Variants in IPCEF1 observed in about 807,000 individuals in gnomAD.
IPCEF1 encodes interaction protein for cytohesin exchange factors 1.
IPCEF1 carries 31 observed loss-of-function variants against 50.9 expected under a neutral mutation model. The ratio of observed to expected loss-of-function variants is 0.61; its 90% CI spans 0.46 to 0.82. The LOEUF (loss-of-function observed/expected upper bound fraction) is 0.82, where lower values mean the gene tolerates loss of function less well. Among genes scored for constraint, IPCEF1 ranks in the 40% least tolerant of loss-of-function variants. The probability of loss-of-function intolerance (pLI) is 0.00; values close to 1 mark genes in which losing one functional copy is unlikely to be tolerated. For synonymous variants in IPCEF1, 181 were observed against 192.0 expected (o/e 0.94, Z 0.47); for missense variants, 458 against 514.0 (o/e 0.89, Z 1.05).
intron 11 of IPCEF1, among the ~76,000 whole-genome samples, chr6:154,166,494 C>G (rs536704939): frequency 6.6e-6 from 1 of 152,322 alleles, no homozygotes; most frequent in South Asian, 2.1e-4. Flanking sequence ...ATGTCCTTCC[C>G]TTGGTATTCA....
chr6:154,204,134 A>G (rs1164185654), intron 9 of IPCEF1, among the ~76,000 whole-genome samples: 1 of 152,240 alleles, frequency 6.6e-6, no homozygotes, highest in Non-Finnish European at 1.5e-5. Context: ...CTATGATATG[A>G]TTACATTAAA....
In IPCEF1 at chr6:154,248,886, A is replaced by G. The variant is rs1025985212; in HGVS notation, c.37-1398T>C. Among the ~76,000 whole-genome samples the G allele has an allele frequency of 5.3e-5, 8 of 152,194 alleles. No individual in the cohort carries two copies. In the East Asian group the frequency reaches 9.6e-4, roughly 18 times the overall value. On this transcript the variant is annotated intron_variant, in intron 3 of 11. Transcript: ENST00000367220. Reference sequence around the variant, plus strand: ...TAATATAATATTATATCGTTGAGATAAACAAATACTTTATATCTAATAAAC... The same window carrying G: ...TAATATAATATTATATCGTTGAGATGAACAAATACTTTATATCTAATAAAC...
intron 10 of IPCEF1, among the ~76,000 whole-genome samples, chr6:154,194,175 G>A (rs1239639277): frequency 2.6e-5 from 4 of 152,178 alleles, no homozygotes; most frequent in Admixed American, 2.6e-4. Flanking sequence ...CGAGGCGGGT[G>A]GATCACATGA....
At chr6:154,328,036 G>T (rs1385251991) in intron 1 of IPCEF1, among the ~76,000 whole-genome samples, 1 of 152,080 alleles carries the variant, frequency 6.6e-6, no homozygotes, top group East Asian at 1.9e-4. Context: ...ACACATGGGG[G>T]CTAACAACAC....
At chr6:154,319,830 G>T (rs1303581825) in intron 1 of IPCEF1, among the ~76,000 whole-genome samples, 1 of 152,168 alleles carries the variant, frequency 6.6e-6, no homozygotes, top group African/African-American at 2.4e-5. Flanking sequence ...CACGGCTCAG[G>T]CATGGGCTTT....
intron 3 of IPCEF1, among the ~76,000 whole-genome samples, chr6:154,265,425 C>T (rs1032043479): frequency 3.3e-5 from 5 of 151,322 alleles, no homozygotes; most frequent in Admixed American, 6.6e-5. Flanking sequence ...GGATTACAGG[C>T]GCACACCACC....
intron 1 of IPCEF1, among the ~76,000 whole-genome samples, chr6:154,340,439 A>G (rs973264653): frequency 5.3e-5 from 8 of 151,428 alleles, no homozygotes; most frequent in African/African-American, 1.9e-4. Context: ...TTTAGTAGAG[A>G]CAGGTTTTGC....
intron 9 of IPCEF1, among the ~76,000 whole-genome samples, chr6:154,211,815 T>C (rs1777986118): frequency 1.3e-5 from 2 of 152,252 alleles, no homozygotes; most frequent in South Asian, 2.1e-4. Flanking sequence ...CACCAAACTA[T>C]AGCTGTAGAG....
chr6:154,335,119 C>G (rs999155622), intron 1 of IPCEF1, among the ~76,000 whole-genome samples: 1 of 151,932 alleles, frequency 6.6e-6, no homozygotes, highest in Non-Finnish European at 1.5e-5. Context: ...TTGAGACCAG[C>G]CTGGGCAACA....
chr6:154,207,121 C>A (rs1020340898), intron 9 of IPCEF1, among the ~76,000 whole-genome samples: 3 of 152,106 alleles, frequency 2.0e-5, no homozygotes, highest in Non-Finnish European at 2.9e-5. Context: ...TAACTCAGGT[C>A]AGGGCTGATG....
intron 1 of IPCEF1, among the ~76,000 whole-genome samples, chr6:154,341,681 A>C (rs998673221): frequency 3.9e-5 from 6 of 152,140 alleles, no homozygotes; most frequent in Non-Finnish European, 8.8e-5. Context: ...TGGAAGGTTC[A>C]ATGCGTAAGG....
At chr6:154,165,443 G>T (rs1293157010) in intron 11 of IPCEF1, among the ~76,000 whole-genome samples, 1 of 152,176 alleles carries the variant, frequency 6.6e-6, no homozygotes. Context: ...GATGCACTTT[G>T]CTTTTGTTCA....
intron 1 of IPCEF1, among the ~76,000 whole-genome samples, chr6:154,293,545 C>A (rs1449321231): frequency 6.6e-6 from 1 of 152,164 alleles, no homozygotes; most frequent in African/African-American, 2.4e-5. Flanking sequence ...GCAATTAGAG[C>A]CATTTAAAAT....
chr6:154,294,430 T>C (rs758658695), intron 1 of IPCEF1, among the ~76,000 whole-genome samples: 8 of 152,198 alleles, frequency 5.3e-5, no homozygotes, highest in Non-Finnish European at 1.0e-4. Flanking sequence ...CAATAGGTTA[T>C]GCCTATAATC....
chr6:154,219,985 A>AGAGT (rs1778731446), intron 7 of IPCEF1, among the ~76,000 whole-genome samples: 4 of 140,052 alleles, frequency 2.9e-5, no homozygotes, highest in African/African-American at 1.1e-4. Context: ...ACCTGTAAGG[A>AGAGT]GTGTGTGTGT....
intron 3 of IPCEF1, among the ~76,000 whole-genome samples, chr6:154,261,119 C>T (rs984867823): frequency 3.3e-5 from 5 of 152,060 alleles, no homozygotes; most frequent in African/African-American, 4.8e-5. Flanking sequence ...ACTGCAGCCT[C>T]GATCTCCTGG....
rs1437073039 is a variant in IPCEF1 at position 154,247,511 on chromosome 6, A to G, written c.37-23T>C. 3 of 1,607,980 alleles carry G rather than the reference A, an allele frequency of 1.9e-6. No individual in the cohort carries two copies. The African/African-American group carries it at 4.0e-5, about 21-fold the overall frequency. ...CTGCTGAAAATGCAGGAAGGAAAGA[A>G]AAGAGGAAATTTCTGATTGTGTTGT... On this transcript the variant is annotated intron_variant, in intron 3 of 11. Coordinates refer to ENST00000367220, the MANE Select transcript of IPCEF1 (RefSeq NM_001130700.2).
At chr6:154,306,192 C>T (rs1782927880) in intron 1 of IPCEF1, among the ~76,000 whole-genome samples, 1 of 152,152 alleles carries the variant, frequency 6.6e-6, no homozygotes, top group African/African-American at 2.4e-5. Context: ...CTCATCAGTG[C>T]TTGGCTTCTC....
At chr6:154,236,181 T>C (rs1033474718) in intron 5 of IPCEF1, among the ~76,000 whole-genome samples, 7 of 152,136 alleles carry the variant, frequency 4.6e-5, no homozygotes, top group African/African-American at 1.7e-4. Context: ...AAACAAAATG[T>C]GGTACACACA....
Sources: allele counts gnomAD v4.1 joint callset (sites outside exome capture counted in the v4.1 genomes callset), GRCh38; gene constraint gnomAD v4.1.1; transcripts MANE v1.5; gene names NCBI Gene and HGNC (gene_info 2026-07-23, HGNC 2026-07-21).